The following ME3 variants were observed in gnomAD, a reference collection of about 807,000 sequenced individuals.
The protein encoded by ME3 is NADP-dependent malic enzyme, mitochondrial.
Under a neutral mutation model 68.9 loss-of-function variants are expected in ME3, and 48 were observed. That is an observed-to-expected ratio of 0.70 (90% CI 0.55 to 0.89). The LOEUF is 0.89. Ranked by LOEUF, ME3 falls within the 40% of genes least tolerant of loss-of-function variation. The pLI, the probability that ME3 is intolerant of heterozygous loss-of-function variation, is 0.00. For missense variants in ME3, 675 were observed against 797.4 expected (o/e 0.85, Z 1.85); for synonymous variants, 320 against 318.8 (o/e 1.00, Z -0.04).
At chr11:86,547,674 A>T (rs1014071279) in intron 4 of ME3, among the ~76,000 whole-genome samples, 5 of 150,312 alleles carry the variant, frequency 3.3e-5, no homozygotes. Flanking sequence ...CAAAAAAAAT[A>T]AGAAGCCACT....
chr11:86,455,918 T>C (rs2138664327), intron 8 of ME3, among the ~76,000 whole-genome samples: 1 of 152,268 alleles, frequency 6.6e-6, no homozygotes, highest in South Asian at 2.1e-4. Context: ...GCGAGGAGAA[T>C]TGCATTGTAT....
intron 4 of ME3, among the ~76,000 whole-genome samples, chr11:86,524,868 G>T (rs1954615016): frequency 6.6e-6 from 1 of 152,198 alleles, no homozygotes; most frequent in Non-Finnish European, 1.5e-5. Flanking sequence ...GGGGGAAGGG[G>T]AGAAGCACAC....
At chr11:86,638,459 A>G (rs1944476959) in intron 2 of ME3, among the ~76,000 whole-genome samples, 1 of 152,238 alleles carries the variant, frequency 6.6e-6, no homozygotes, top group African/African-American at 2.4e-5. Context: ...ACAGCACACA[A>G]ATAAATAAGT....
chr11:86,648,940 AAAG>A (rs377214714), intron 2 of ME3, among the ~76,000 whole-genome samples: 1 of 152,204 alleles, frequency 6.6e-6, no homozygotes, highest in African/African-American at 2.4e-5. Flanking sequence ...AGCAACAGAA[AAAG>A]AAGGACTCTG....
At chr11:86,531,086 T>C (rs1163871978) in intron 4 of ME3, among the ~76,000 whole-genome samples, 14 of 152,182 alleles carry the variant, frequency 9.2e-5, no homozygotes, top group Non-Finnish European at 2.1e-4. Flanking sequence ...AGAAAATTTT[T>C]GCATTCTACT....
At chr11:86,496,247 A>C (rs1952324382) in intron 6 of ME3, among the ~76,000 whole-genome samples, 1 of 152,148 alleles carries the variant, frequency 6.6e-6, no homozygotes, top group South Asian at 2.1e-4. Flanking sequence ...CTCGACTAAA[A>C]ATACAAAAAT....
chr11:86,450,509 T>C, intron 8 of ME3, 111 bp from the exon 9 acceptor site: 1 of 807,594 alleles, frequency 1.2e-6, no homozygotes, highest in Non-Finnish European at 2.0e-6. Flanking sequence ...AGGCAACTTT[T>C]CTTAGCCCTT....
intron 4 of ME3, among the ~76,000 whole-genome samples, chr11:86,535,669 A>C (rs998182297): frequency 6.6e-6 from 1 of 152,208 alleles, no homozygotes; most frequent in Non-Finnish European, 1.5e-5. Context: ...GCCCTATGCA[A>C]GTCTTCTTGC....
intron 2 of ME3, among the ~76,000 whole-genome samples, chr11:86,626,994 G>A (rs952625355): frequency 2.6e-5 from 4 of 152,210 alleles, no homozygotes; most frequent in African/African-American, 7.2e-5. Context: ...AGGATGACAG[G>A]AGAATTTAGA....
intron 4 of ME3, among the ~76,000 whole-genome samples, chr11:86,553,817 C>CT: frequency 6.6e-6 from 1 of 152,288 alleles, no homozygotes; most frequent in East Asian, 1.9e-4. Context: ...GGAAGTCAAA[C>CT]ATTCCTGGAG....
intron 5 of ME3, among the ~76,000 whole-genome samples, chr11:86,500,708 C>T (rs1442989785): frequency 1.3e-5 from 2 of 152,248 alleles, no homozygotes; most frequent in Non-Finnish European, 2.9e-5. Flanking sequence ...CCTTCTCTGG[C>T]TGTGCTGGCC....
exon 6 of ME3, chr11:86,498,078 A>G (rs369256814): frequency 6.2e-7 from 1 of 1,613,538 alleles, no homozygotes; most frequent in African/African-American, 1.3e-5. Flanking sequence ...GTAGCAGCCC[A>G]GGTCTCCCAG....
At chr11:86,583,747 A>G (rs751156007) in intron 2 of ME3, among the ~76,000 whole-genome samples, 2 of 152,178 alleles carry the variant, frequency 1.3e-5, no homozygotes, top group Non-Finnish European at 2.9e-5. Flanking sequence ...AATTGTCTTC[A>G]ACAATGGTAT....
chr11:86,633,704 G>C (rs2135338914), intron 2 of ME3, among the ~76,000 whole-genome samples: 1 of 152,348 alleles, frequency 6.6e-6, no homozygotes, highest in East Asian at 1.9e-4. Flanking sequence ...GAGGGCAACA[G>C]AGGACCGTGC....
At chr11:86,534,472 C>T (rs547767213) in intron 4 of ME3, among the ~76,000 whole-genome samples, 3 of 152,152 alleles carry the variant, frequency 2.0e-5, no homozygotes, top group Admixed American at 6.5e-5. Flanking sequence ...GTCAGGCATT[C>T]GAGACCAGCC....
intron 2 of ME3, among the ~76,000 whole-genome samples, chr11:86,628,257 C>A (rs1262183451): frequency 2.6e-5 from 4 of 152,232 alleles, no homozygotes; most frequent in Non-Finnish European, 4.4e-5. Flanking sequence ...CCAGCCTTGG[C>A]TGAGCTCCCT....
chr11:86,469,284 A>G (rs1950654083), intron 7 of ME3, among the ~76,000 whole-genome samples: 1 of 152,112 alleles, frequency 6.6e-6, no homozygotes, highest in African/African-American at 2.4e-5. Context: ...TAGAAGCTTC[A>G]CTCAGGTATT....
chr11:86,484,044 C>T (rs1951559735), intron 7 of ME3, among the ~76,000 whole-genome samples: 1 of 152,216 alleles, frequency 6.6e-6, no homozygotes, highest in South Asian at 2.1e-4. Flanking sequence ...TCCCAGCTGT[C>T]TGTTGCTGTG....
chr11:86,536,472 G>C (rs201622451), intron 4 of ME3, among the ~76,000 whole-genome samples: 67 of 120,718 alleles, frequency 5.6e-4, no homozygotes, highest in African/African-American at 1.5e-3. Context: ...AAAAGTGGGC[G>C]AAGGACATGA....
Sources: allele counts gnomAD v4.1 joint callset (sites outside exome capture counted in the v4.1 genomes callset), GRCh38; gene constraint gnomAD v4.1.1; transcripts MANE v1.5; gene names NCBI Gene and HGNC (gene_info 2026-07-23, HGNC 2026-07-21).